The following ADGRV1 variants were observed in gnomAD, a reference collection of about 807,000 sequenced individuals.
The protein encoded by ADGRV1 is adhesion G protein-coupled receptor V1, also known as G-protein coupled receptor 98.
ADGRV1 carries 359 observed loss-of-function variants against 596.2 expected under a neutral mutation model. The ratio of observed to expected loss-of-function variants is 0.60; its 90% CI spans 0.55 to 0.66. The LOEUF is 0.66. ADGRV1 is among the 30% of genes least tolerant of loss of function. The pLI is 0.00. For synonymous variants in ADGRV1, 2,681 were observed against 2,679.2 expected, an observed-to-expected ratio of 1.00 and a Z score of -0.02; for missense variants, 7,274 against 7,575.6, an observed-to-expected ratio of 0.96 and a Z score of 1.48.
intron 87 of ADGRV1, 21 bp from the exon 88 acceptor site, chr5:91,150,009 C>G: frequency 7.8e-7 from 1 of 1,288,698 alleles, no homozygotes; most frequent in Non-Finnish European, 1.0e-6. Context: ...CTTTTCTTTT[C>G]TTTTTTTTTT....
At chr5:91,060,515 C>T (rs974609219) in intron 85 of ADGRV1, among the ~76,000 whole-genome samples, 1 of 151,920 alleles carries the variant, frequency 6.6e-6, no homozygotes, top group African/African-American at 2.4e-5. Flanking sequence ...CAAGCATGAG[C>T]CACCACACCA....
intron 87 of ADGRV1, among the ~76,000 whole-genome samples, chr5:91,124,798 A>G (rs918432331): frequency 6.6e-5 from 10 of 152,238 alleles, no homozygotes; most frequent in African/African-American, 2.2e-4. Flanking sequence ...AATTACATGA[A>G]AATATAAAAC....
chr5:90,733,248 T>C (rs1463044493), intron 50 of ADGRV1, among the ~76,000 whole-genome samples: 1 of 152,130 alleles, frequency 6.6e-6, no homozygotes, highest in Non-Finnish European at 1.5e-5. Context: ...GGGAGGAGAA[T>C]GGTTTTAAAT....
In ADGRV1 at chr5:90,802,778, G is replaced by C; in HGVS notation, c.14557G>C (p.Val4853Leu). 6.2e-7 allele frequency: 1 copy of C among 1,613,098 alleles called. No homozygotes were observed. The highest frequency in any genetic ancestry group is 8.5e-7 in the Non-Finnish European group (1 of 1,179,532). The stretch of plus-strand genomic sequence containing the variant: ...GGGCTCTAATTTCACTTTGCAACTG[G>C]TGACTGTGATGCTTGTCGGTGGACG... ...SLGSNFTLQL[V>L]TVMLVGGRFY... The change falls in exon 71 of 90, where the codon GTG becomes CTG. Residue 4853 changes from valine (V) to leucine (L), a missense_variant. Val to Leu is a conservative substitution (Grantham distance 32). Coordinates refer to ENST00000405460, the MANE Select transcript of ADGRV1 (RefSeq NM_032119.4).
chr5:90,891,105 A>G (rs1288276665), intron 83 of ADGRV1, among the ~76,000 whole-genome samples: 1 of 150,496 alleles, frequency 6.6e-6, no homozygotes, highest in Non-Finnish European at 1.5e-5. Context: ...TAAACAAAAA[A>G]GTTTGAAAAA....
chr5:90,637,602 C>G (rs573742237), intron 10 of ADGRV1, 123 bp from the exon 11 acceptor site: 37 of 541,064 alleles, frequency 6.8e-5, no homozygotes, highest in Middle Eastern at 4.6e-4. Context: ...TAGTTCGCTT[C>G]TCTATATAGA....
At chr5:90,972,895 A>G (rs1779185425) in intron 84 of ADGRV1, among the ~76,000 whole-genome samples, 1 of 152,152 alleles carries the variant, frequency 6.6e-6, no homozygotes, top group Non-Finnish European at 1.5e-5. Context: ...ACCCTACAAA[A>G]AATCAATGAA....
chr5:90,656,389 TTTA>T (rs1425328239), intron 20 of ADGRV1, among the ~76,000 whole-genome samples: 4 of 152,148 alleles, frequency 2.6e-5, no homozygotes, highest in African/African-American at 9.7e-5. Context: ...CAGTATTCCT[TTTA>T]ACATACCATA....
At chr5:90,596,310 G>T (rs1022710196) in intron 1 of ADGRV1, among the ~76,000 whole-genome samples, 3 of 151,142 alleles carry the variant, frequency 2.0e-5, no homozygotes, top group African/African-American at 7.3e-5. Context: ...TCCAGACTGG[G>T]CAACCAGGCA....
chr5:90,995,924 A>G (rs1781376717), intron 85 of ADGRV1, among the ~76,000 whole-genome samples: 1 of 152,208 alleles, frequency 6.6e-6, no homozygotes, highest in South Asian at 2.1e-4. Flanking sequence ...ACCTTGCAGA[A>G]GAGAAATTTT....
At chr5:90,945,327 C>G (rs1776481641) in intron 83 of ADGRV1, among the ~76,000 whole-genome samples, 1 of 151,878 alleles carries the variant, frequency 6.6e-6, no homozygotes, top group Admixed American at 6.6e-5. Flanking sequence ...CCCACCAAAA[C>G]TAGGAGGAGG....
At chr5:90,754,905 T>A (rs1755663373) in intron 54 of ADGRV1, 78 bp from the exon 55 acceptor site, 2 of 941,856 alleles carry the variant, frequency 2.1e-6, no homozygotes, top group South Asian at 2.8e-5. Flanking sequence ...TAGAGTAGAG[T>A]GTTCCACTCT....
chr5:90,759,618 G>A, intron 58 of ADGRV1, 30 bp downstream of exon 58: 1 of 1,586,306 alleles, frequency 6.3e-7, no homozygotes, highest in Non-Finnish European at 8.6e-7. Context: ...GGAAAGCCTT[G>A]TTTCAGGCTA....
chr5:90,931,542 A>G (rs1775253187), intron 83 of ADGRV1, among the ~76,000 whole-genome samples: 1 of 152,220 alleles, frequency 6.6e-6, no homozygotes, highest in South Asian at 2.1e-4. Flanking sequence ...TTGAAGTAAT[A>G]TAATTCTACC....
chr5:90,979,987 C>G (rs1779956420), intron 84 of ADGRV1, among the ~76,000 whole-genome samples: 1 of 152,152 alleles, frequency 6.6e-6, no homozygotes, highest in Admixed American at 6.6e-5. Flanking sequence ...GCAAATCTTC[C>G]TTTTCCGTAT....
At chr5:90,737,654 G>A (rs1753420591) in intron 50 of ADGRV1, among the ~76,000 whole-genome samples, 1 of 151,920 alleles carries the variant, frequency 6.6e-6, no homozygotes, top group South Asian at 2.1e-4. Context: ...TCTTCTTGAT[G>A]AATTTACCCT....
intron 87 of ADGRV1, among the ~76,000 whole-genome samples, chr5:91,116,584 G>C (rs116469900): frequency 6.6e-6 from 1 of 152,078 alleles, no homozygotes; most frequent in South Asian, 2.1e-4. Flanking sequence ...TGATTATTCG[G>C]TCTCTTCAGA....
chr5:91,005,599 T>A (rs1782203269), intron 85 of ADGRV1, among the ~76,000 whole-genome samples: 1 of 152,140 alleles, frequency 6.6e-6, no homozygotes. Flanking sequence ...TATGCTGCAC[T>A]CTCCTACTTT....
intron 77 of ADGRV1, among the ~76,000 whole-genome samples, chr5:90,833,854 C>T (rs1396152779): frequency 1.3e-5 from 2 of 152,104 alleles, no homozygotes; most frequent in Non-Finnish European, 2.9e-5. Flanking sequence ...GATAATTTGA[C>T]TTCTTCCTTT....
Sources: gnomAD v4.1 joint callset for allele counts (sites outside exome capture counted in the v4.1 genomes callset) on GRCh38, gnomAD v4.1.1 for gene constraint, MANE v1.5 for transcripts, NCBI Gene and HGNC (gene_info 2026-07-23, HGNC 2026-07-21) for gene names.